Variants in CACNA1E observed in about 807,000 individuals in gnomAD.
The protein encoded by CACNA1E is calcium voltage-gated channel subunit alpha1 E.
CACNA1E carries 40 observed loss-of-function variants against 259.2 expected under a neutral mutation model. The observed-to-expected ratio is 0.15, with a 90% CI of 0.12 to 0.20. The LOEUF is 0.20. Among genes scored for constraint, CACNA1E ranks in the 10% least tolerant of loss-of-function variants. The pLI, the probability that CACNA1E is intolerant of heterozygous loss-of-function variation, is 1.00. For missense variants in CACNA1E, 1,874 were observed against 3,040.1 expected (o/e 0.62, Z 9.02); for synonymous variants, 1,104 against 1,138.5 (o/e 0.97, Z 0.61).
intron 2 of CACNA1E, among the ~76,000 whole-genome samples, chr1:181,441,726 C>T (rs1660489787): frequency 6.6e-6 from 1 of 152,184 alleles, no homozygotes; most frequent in African/African-American, 2.4e-5. Flanking sequence ...TCTCTTCCTG[C>T]TTTGCTGGGT....
At chr1:181,437,006 T>A (rs61812691) in intron 2 of CACNA1E, among the ~76,000 whole-genome samples, 9,347 of 152,136 alleles carry the variant, frequency 0.061, 465 homozygotes, top group African/African-American at 0.13. Context: ...TTAAAATGAA[T>A]TAAAATAATA....
intron 1 of CACNA1E, among the ~76,000 whole-genome samples, chr1:181,321,074 G>C (rs972058810): frequency 7.2e-5 from 11 of 152,158 alleles, no homozygotes; most frequent in Non-Finnish European, 1.0e-4. Context: ...AAGCAAGAGA[G>C]AGAGGAGGGA....
chr1:181,484,284 G>A (rs574021895), intron 1 of CACNA1E, among the ~76,000 whole-genome samples: 38 of 152,240 alleles, frequency 2.5e-4, no homozygotes, highest in African/African-American at 8.7e-4. Context: ...GCTGGGCTTT[G>A]TCTGATTCCC....
rs1395556847 is a variant in CACNA1E, at chr1:181,807,692, C to T, written c.*8858C>T. ...GTTTGAGCCAAGATATTTTCTTGAG[C>T]CCTAAGATATATGACTTTATTAGCT... On this transcript the variant is annotated 3_prime_UTR_variant, in exon 48 of 48. Coordinates refer to ENST00000367573, the MANE Select transcript of CACNA1E (RefSeq NM_001205293.3). 1 of 151,902 alleles carries T rather than the reference C, an allele frequency of 6.6e-6. No homozygotes were observed. The highest frequency in any genetic ancestry group is 1.5e-5 in the Non-Finnish European group (1 of 68,008). 9.4% of individuals were successfully genotyped at this position (151,902 alleles called of 1,614,324 possible).
chr1:181,734,673 C>T (rs1655863935), intron 21 of CACNA1E, among the ~76,000 whole-genome samples: 2 of 142,878 alleles, frequency 1.4e-5, no homozygotes, highest in Admixed American at 6.9e-5. Context: ...ACACCCTACC[C>T]TTGCCCTGAC....
Position 181,776,412 on chromosome 1 carries a change from C to T in CACNA1E, c.5267+184C>T. 1.7e-6 allele frequency: 1 copy of T among 583,870 alleles called. No homozygotes were observed. Among genetic ancestry groups the T allele is most frequent in the South Asian group, 2.1e-5 (1 of 47,170 alleles). The allele number at this position is 583,870 out of a possible 1,614,324, so 36.2% of individuals were successfully genotyped here. A position where few individuals can be genotyped will look rare whatever the true frequency, so the allele number is the denominator to read the frequency against. ...GCCAGTCACCAAGGACTTCTGTATC[C>T]TCCTTTCCCCTCTCTTTCCTTCTGT... On this transcript the variant is annotated intron_variant, in intron 38 of 47. Coordinates refer to ENST00000367573, the MANE Select transcript of CACNA1E (RefSeq NM_001205293.3). This position sits in a 1 kb window ranked among gnomAD's most constrained non-coding sequence, Gnocchi z 4.4.
chr1:181,738,528 T>G lies in CACNA1E; in HGVS notation c.3612+102T>G, dbSNP rs149193607. 138 of 902,318 alleles carry G rather than the reference T, an allele frequency of 1.5e-4. 1 individual carries two copies. In the African/African-American group the frequency reaches 1.9e-3, roughly 13 times the overall value. The allele number at this position is 902,318 out of a possible 1,614,324, so 55.9% of individuals were successfully genotyped here. ...CTCAGTGTTACCACCTACCAGCCAA[T>G]GGCAGCCCTCAGTAGAGCTTCTGCC... On this transcript the variant is annotated intron_variant, in intron 24 of 47. Coordinates refer to ENST00000367573, the MANE Select transcript of CACNA1E (RefSeq NM_001205293.3).
At chr1:181,696,272 G>A (rs1651697182) in intron 7 of CACNA1E, among the ~76,000 whole-genome samples, 1 of 151,060 alleles carries the variant, frequency 6.6e-6, no homozygotes, top group African/African-American at 2.4e-5. Context: ...GCTTAGGAAT[G>A]CATTAATTAT....
chr1:181,610,199 G>C (rs1415367772), intron 6 of CACNA1E, among the ~76,000 whole-genome samples: 2 of 152,198 alleles, frequency 1.3e-5, no homozygotes, highest in Admixed American at 1.3e-4. Context: ...GAGAGAGTCT[G>C]TAGACTGGGC....
chr1:181,735,590 C>G (rs1655961762), intron 21 of CACNA1E, among the ~76,000 whole-genome samples: 1 of 152,262 alleles, frequency 6.6e-6, no homozygotes. Context: ...CCCTCGACCT[C>G]TGGCTCCTTC....
At chr1:181,518,848 G>A (rs899878373) in intron 3 of CACNA1E, among the ~76,000 whole-genome samples, 3 of 152,154 alleles carry the variant, frequency 2.0e-5, no homozygotes, top group African/African-American at 4.8e-5. Context: ...AGCTCCATAT[G>A]GACAGAACTG....
At chr1:181,759,403 G>GTGTT (rs1658380389) in intron 32 of CACNA1E, among the ~76,000 whole-genome samples, 1 of 151,510 alleles carries the variant, frequency 6.6e-6, no homozygotes, top group Non-Finnish European at 1.5e-5. Flanking sequence ...GTCTGTGTGT[G>GTGTT]TGTGTGTGTG....
intron 1 of CACNA1E, among the ~76,000 whole-genome samples, chr1:181,497,851 A>G (rs1237655759): frequency 1.3e-5 from 2 of 152,198 alleles, no homozygotes; most frequent in African/African-American, 4.8e-5. Flanking sequence ...TAGATGGAAG[A>G]AGAGCAACTA....
chr1:181,326,645 G>C (rs568520252), intron 1 of CACNA1E, among the ~76,000 whole-genome samples: 7 of 152,204 alleles, frequency 4.6e-5, no homozygotes, highest in Admixed American at 3.9e-4. Flanking sequence ...CTCGTATGCT[G>C]GTGACTTCCA....
intron 1 of CACNA1E, among the ~76,000 whole-genome samples, chr1:181,357,799 T>C (rs565224881): frequency 1.1e-4 from 16 of 152,276 alleles, no homozygotes; most frequent in African/African-American, 2.9e-4. Flanking sequence ...CCCCCTGAGG[T>C]ACCCTTGGTG....
chr1:181,722,200 G>T (rs890988375), intron 16 of CACNA1E, among the ~76,000 whole-genome samples: 2 of 152,132 alleles, frequency 1.3e-5, no homozygotes, highest in African/African-American at 4.8e-5. Flanking sequence ...GCTGAAAGAG[G>T]CACATTATAC....
intron 1 of CACNA1E, among the ~76,000 whole-genome samples, chr1:181,351,215 TG>T (rs920987210): frequency 1.3e-5 from 2 of 152,070 alleles, no homozygotes; most frequent in African/African-American, 2.4e-5. Flanking sequence ...TCCTGAGCCG[TG>T]GGGGGATCCA....
intron 1 of CACNA1E, among the ~76,000 whole-genome samples, chr1:181,401,697 A>G (rs1448816855): frequency 6.6e-6 from 1 of 152,238 alleles, no homozygotes; most frequent in Non-Finnish European, 1.5e-5. Flanking sequence ...CTGTGATTCA[A>G]CTAGTTTCAG....
At chr1:181,345,976 G>A (rs1303575604) in intron 1 of CACNA1E, among the ~76,000 whole-genome samples, 2 of 152,214 alleles carry the variant, frequency 1.3e-5, no homozygotes, top group Non-Finnish European at 2.9e-5. Flanking sequence ...TCTCAGGCAG[G>A]ACCAGGTGTT....
Sources: gnomAD v4.1 joint callset for allele counts (sites outside exome capture counted in the v4.1 genomes callset) on GRCh38, gnomAD v4.1.1 for gene constraint, Gnocchi (gnomAD v3.1) non-coding constraint, MANE v1.5 for transcripts, NCBI Gene and HGNC (gene_info 2026-07-23, HGNC 2026-07-21) for gene names.